Variants in RBPMS observed in about 807,000 individuals in gnomAD.
RBPMS encodes RNA binding protein, mRNA processing factor.
In RBPMS, 7 loss-of-function variants were observed where a neutral mutation model predicts 26.8. That is an observed-to-expected ratio of 0.26 (90% CI 0.15 to 0.49). The LOEUF is 0.49. RBPMS is among the 20% of genes least tolerant of loss of function. The pLI, the probability that RBPMS is intolerant of heterozygous loss-of-function variation, is 0.98. For synonymous variants in RBPMS, 96 were observed against 93.3 expected, an observed-to-expected ratio of 1.03 and a Z score of -0.17; for missense variants, 186 against 250.0, an observed-to-expected ratio of 0.74 and a Z score of 1.73.
At chr8:30,515,832 T>G (rs1278356733) in intron 5 of RBPMS, among the ~76,000 whole-genome samples, 3 of 151,986 alleles carry the variant, frequency 2.0e-5, no homozygotes, top group African/African-American at 7.2e-5. Context: ...ATTTTCTAAT[T>G]TTTTTGTAGA....
chr8:30,510,185 CAG>C (rs1353003098), intron 5 of RBPMS, among the ~76,000 whole-genome samples: 3 of 152,122 alleles, frequency 2.0e-5, no homozygotes, highest in Non-Finnish European at 2.9e-5. Flanking sequence ...TTGCTAGAAT[CAG>C]AGCAAGAGGA....
intron 1 of RBPMS, among the ~76,000 whole-genome samples, chr8:30,392,754 G>T (rs751207429): frequency 9.2e-5 from 14 of 152,162 alleles, no homozygotes; most frequent in Non-Finnish European, 1.9e-4. Context: ...AGCCTTTTGG[G>T]TTTCTCCTTC....
chr8:30,569,972 C>T (rs1219285819), intron 8 of RBPMS, among the ~76,000 whole-genome samples: 1 of 152,214 alleles, frequency 6.6e-6, no homozygotes, highest in Non-Finnish European at 1.5e-5. Flanking sequence ...GCCTGGCTTG[C>T]CCCTGCTCCG....
At chr8:30,436,908 TGTC>T (rs1402735213) in intron 1 of RBPMS, among the ~76,000 whole-genome samples, 2 of 151,718 alleles carry the variant, frequency 1.3e-5, no homozygotes, top group Non-Finnish European at 2.9e-5. Context: ...TACACTCCCT[TGTC>T]GTGATATATG....
intron 1 of RBPMS, among the ~76,000 whole-genome samples, chr8:30,410,216 A>T (rs1201791939): frequency 3.5e-5 from 5 of 143,310 alleles, no homozygotes; most frequent in South Asian, 4.5e-4. Flanking sequence ...TTTATTTATT[A>T]TTTTTTTTGA....
chr8:30,570,225 T>C (rs1828177597), intron 8 of RBPMS, among the ~76,000 whole-genome samples: 1 of 152,240 alleles, frequency 6.6e-6, no homozygotes, highest in African/African-American at 2.4e-5. Context: ...TATCTGTTTA[T>C]GGCCTCTTTC....
intron 6 of RBPMS, among the ~76,000 whole-genome samples, chr8:30,551,746 A>G (rs143758984): frequency 1.3e-5 from 2 of 152,222 alleles, no homozygotes; most frequent in Non-Finnish European, 2.9e-5. Flanking sequence ...CCTGGCACCT[A>G]ACTGGGACTC....
At chr8:30,535,201 A>G (rs1283587805) in intron 5 of RBPMS, among the ~76,000 whole-genome samples, 1 of 152,244 alleles carries the variant, frequency 6.6e-6, no homozygotes, top group East Asian at 1.9e-4. Flanking sequence ...GGTGGATTAC[A>G]TAATTCTGAA....
intron 1 of RBPMS, among the ~76,000 whole-genome samples, chr8:30,419,766 T>C (rs1810538098): frequency 6.6e-6 from 1 of 152,146 alleles, no homozygotes; most frequent in Non-Finnish European, 1.5e-5. Flanking sequence ...TATGGAAATA[T>C]TCCAAAATCT....
chr8:30,426,073 C>A lies in RBPMS; in HGVS notation c.66+40915C>A, dbSNP rs148134001. ...AGTTACTTACAGTCCCTTGACTGCACTGCTTTAAAGACGCAGCACGGAGTT... is the reference window on the plus strand; with the variant it reads ...AGTTACTTACAGTCCCTTGACTGCAATGCTTTAAAGACGCAGCACGGAGTT... On this transcript the variant is annotated intron_variant, in intron 1 of 8. Coordinates refer to ENST00000397323, the MANE Select transcript of RBPMS (RefSeq NM_001008710.3). Among the ~76,000 whole-genome samples the A allele has an allele frequency of 5.9e-5, 9 of 152,316 alleles. No individual in the cohort carries two copies. In the East Asian group the frequency reaches 1.7e-3, roughly 29 times the overall value.
intron 1 of RBPMS, among the ~76,000 whole-genome samples, chr8:30,420,276 T>C (rs1810609416): frequency 2.0e-5 from 3 of 152,030 alleles, no homozygotes; most frequent in Admixed American, 6.6e-5. Flanking sequence ...ATACAGATTG[T>C]ATTTCTGTGG....
At chr8:30,433,628 T>C (rs1008077336) in intron 1 of RBPMS, among the ~76,000 whole-genome samples, 19 of 152,144 alleles carry the variant, frequency 1.2e-4, no homozygotes, top group Admixed American at 1.2e-3. Context: ...GCTGTATTCA[T>C]GGCCATAGCA....
intron 1 of RBPMS, among the ~76,000 whole-genome samples, chr8:30,428,411 A>G (rs879333214): frequency 6.6e-6 from 1 of 152,012 alleles, no homozygotes; most frequent in Non-Finnish European, 1.5e-5. Context: ...AGTTGTGATC[A>G]TGCCACTGCA....
intron 4 of RBPMS, 59 bp downstream of exon 4, chr8:30,479,436 A>T: frequency 8.2e-7 from 1 of 1,221,744 alleles, no homozygotes; most frequent in South Asian, 1.3e-5. Flanking sequence ...GAAGTAATGG[A>T]ATCTCTTTGG....
intron 1 of RBPMS, among the ~76,000 whole-genome samples, chr8:30,464,022 T>G (rs1258393312): frequency 1.4e-4 from 21 of 152,176 alleles, no homozygotes. Flanking sequence ...AGGCCCGCTG[T>G]GAATACCTGT....
At position 30,514,673 on chromosome 8, in the gene RBPMS, T is replaced by C. The variant is rs1010768682; in HGVS notation, c.397+10237T>C. Among the ~76,000 whole-genome samples, 3 of 113,324 alleles carry C rather than the reference T, an allele frequency of 2.6e-5. No individual in the cohort carries two copies. The East Asian group carries it at 8.7e-4, about 33-fold the overall frequency. The allele number at this position is 113,324 out of a possible 152,430, so 74.3% of individuals were successfully genotyped here. A position where few individuals can be genotyped will look rare whatever the true frequency, so the allele number is the denominator to read the frequency against. On this transcript the variant is annotated intron_variant, in intron 5 of 8. Coordinates refer to ENST00000397323, the MANE Select transcript of RBPMS (RefSeq NM_001008710.3). ...CTGGGACTACGGGTGCGAGCCACCA[T>C]GCCGGGCTTTTTTTTTTTTTTTTTT...
chr8:30,504,340 G>T lies in RBPMS; in HGVS notation c.301G>T (p.Ala101Ser). The change falls in exon 5 of 9, where the codon GCA becomes TCA. Residue 101 changes from alanine to serine, a missense_variant. Transcript: ENST00000397323. ...AACACTACGACTAGAGTTTGCTAAG[G>T]CAAACACGAAGATGGCCAAGAACAA... ...PQTLRLEFAK[A>S]NTKMAKNKLV... The T allele has an allele frequency of 6.2e-7, 1 of 1,614,160 alleles. No individual in the cohort carries two copies. Among genetic ancestry groups the T allele is most frequent in the Non-Finnish European group, 8.5e-7 (1 of 1,180,012 alleles).
At chr8:30,468,055 G>C (rs1333637516) in intron 1 of RBPMS, among the ~76,000 whole-genome samples, 1 of 151,890 alleles carries the variant, frequency 6.6e-6, no homozygotes, top group Admixed American at 6.6e-5. Flanking sequence ...AATATGGGCA[G>C]TTCCTGCTGT....
intron 4 of RBPMS, among the ~76,000 whole-genome samples, chr8:30,482,670 G>C (rs980948498): frequency 6.6e-6 from 1 of 152,102 alleles, no homozygotes; most frequent in African/African-American, 2.4e-5. Context: ...AAAGTCCCAC[G>C]TTAGGCAAAG....
Sources: gnomAD v4.1 joint callset for allele counts (sites outside exome capture counted in the v4.1 genomes callset) on GRCh38, gnomAD v4.1.1 for gene constraint, MANE v1.5 for transcripts, NCBI Gene and HGNC (gene_info 2026-07-23, HGNC 2026-07-21) for gene names.